The following USP34 variants were observed in gnomAD, a reference collection of about 807,000 sequenced individuals.
The protein encoded by USP34 is ubiquitin specific peptidase 34.
A neutral mutation model predicts 460.3 loss-of-function variants in USP34; 70 were observed. That is an observed-to-expected ratio of 0.15 (90% CI 0.13 to 0.19). USP34 has a LOEUF of 0.19. Ranked by LOEUF, USP34 falls within the 10% of genes least tolerant of loss-of-function variation. The pLI is 1.00. For synonymous variants in USP34, 1,647 were observed against 1,405.3 expected (o/e 1.17, Z -3.85); for missense variants, 3,985 against 4,236.2 (o/e 0.94, Z 1.65).
intron 78 of USP34, 76 bp downstream of exon 78, chr2:61,190,195 A>T: frequency 1.3e-6 from 2 of 1,507,460 alleles, no homozygotes; most frequent in Non-Finnish European, 1.8e-6. Flanking sequence ...TTACGAGAGT[A>T]AAATCATATG....
At chr2:61,386,533 G>C (rs1572990962) in intron 5 of USP34, among the ~76,000 whole-genome samples, 1 of 152,130 alleles carries the variant, frequency 6.6e-6, no homozygotes, top group Admixed American at 6.5e-5. Flanking sequence ...GCTCACACCT[G>C]TAATCCCAGC....
rs528434408 is a variant in USP34, at chr2:61,292,983, C to G, written c.4548+481G>C. Among the ~76,000 whole-genome samples, 12 of 152,098 alleles carry G rather than the reference C, an allele frequency of 7.9e-5. No individual in the cohort carries two copies. In the East Asian group the frequency reaches 2.3e-3, roughly 29 times the overall value. ...GTATTATAAAATACAGCAACAATGT[C>G]TAATTGCTATAAAAATTTCTAGAGG... On this transcript the variant is annotated intron_variant, in intron 33 of 79. Coordinates refer to ENST00000398571, the MANE Select transcript of USP34 (RefSeq NM_014709.4).
chr2:61,420,095 A>T (rs990760885), intron 2 of USP34, among the ~76,000 whole-genome samples: 2 of 152,210 alleles, frequency 1.3e-5, no homozygotes, highest in Non-Finnish European at 2.9e-5. Flanking sequence ...CACTGCATTT[A>T]ACATGTTCAT....
rs750449800 is a variant in USP34, at chr2:61,331,289, G to C, written c.2917C>G (p.Gln973Glu). 2.5e-6 allele frequency: 4 copies of C among 1,611,868 alleles called. No individual in the cohort carries two copies. The highest frequency in any genetic ancestry group is 2.5e-6 in the Non-Finnish European group (3 of 1,178,852). ...YYIQTVREGR[Q>E]KHALYSHSAE... ...AGAGGTACTTACAGTGCATGTTTTT[G>C]TCTTCCTTCTCTCACAGTTTGAATG... Residue 973 changes from glutamine to glutamate, a missense_variant, in exon 20 of 80, where the codon CAA becomes GAA. Gln to Glu is a conservative substitution (Grantham distance 29). Coordinates refer to ENST00000398571, the MANE Select transcript of USP34 (RefSeq NM_014709.4).
At chr2:61,242,880 C>T (rs953195029) in intron 51 of USP34, among the ~76,000 whole-genome samples, 1 of 152,096 alleles carries the variant, frequency 6.6e-6, no homozygotes, top group African/African-American at 2.4e-5. Context: ...CGGAGTTTTG[C>T]TCATCTCCCA....
chr2:61,464,615 G>A (rs1263726975), intron 1 of USP34, among the ~76,000 whole-genome samples: 2 of 151,490 alleles, frequency 1.3e-5, no homozygotes, highest in Non-Finnish European at 2.9e-5. Context: ...ACGTACACCA[G>A]GCGTGGTGGC....
intron 2 of USP34, chr2:61,417,367 A>C (rs1694226529): frequency 2.3e-5 from 13 of 574,610 alleles, no homozygotes; most frequent in Admixed American, 7.8e-5. Context: ...CAGTCAGCTT[A>C]ATTGGCTGCA....
chr2:61,453,689 C>T (rs1282144486), intron 1 of USP34, among the ~76,000 whole-genome samples: 2 of 119,502 alleles, frequency 1.7e-5, no homozygotes, highest in Non-Finnish European at 3.2e-5. Context: ...CACTCCAGCC[C>T]AAGCAACAGA....
chr2:61,439,047 CAAG>C (rs1354405859), intron 1 of USP34, among the ~76,000 whole-genome samples: 1 of 152,082 alleles, frequency 6.6e-6, no homozygotes, highest in Non-Finnish European at 1.5e-5. Context: ...GAAAAGAAAT[CAAG>C]AAGGCAATTT....
Position 61,470,920 on chromosome 2 carries a change from G to A in USP34, c.-228C>T, listed in dbSNP as rs1384670808. ...GGAGGGGAGCGAGGGGAGGTGCGCA[G>A]GCCGGAGGGGCGCCGAGGCGCCGGC... On this transcript the variant is annotated 5_prime_UTR_variant, in exon 1 of 80. Transcript: ENST00000398571. Among the ~76,000 whole-genome samples, 1 of 140,362 alleles carries A rather than the reference G, an allele frequency of 7.1e-6. No individual in the cohort carries two copies. Among genetic ancestry groups the A allele is most frequent in the Non-Finnish European group, 1.6e-5 (1 of 63,670 alleles). The allele number at this position is 140,362 out of a possible 152,430, so 92.1% of individuals were successfully genotyped here.
intron 49 of USP34, among the ~76,000 whole-genome samples, chr2:61,247,859 A>G (rs1688459014): frequency 6.6e-6 from 1 of 152,072 alleles, no homozygotes. Context: ...CAGTAGTGCA[A>G]TCTCAACTCA....
chr2:61,412,314 T>G (rs1694065521), intron 2 of USP34, among the ~76,000 whole-genome samples: 1 of 151,348 alleles, frequency 6.6e-6, no homozygotes, highest in South Asian at 2.1e-4. Flanking sequence ...GTAATTTATA[T>G]CCTGAGAGAT....
chr2:61,332,728 T>TCC (rs530697734), intron 19 of USP34, among the ~76,000 whole-genome samples: 5 of 151,990 alleles, frequency 3.3e-5, no homozygotes, highest in Non-Finnish European at 5.9e-5. Flanking sequence ...CCCTTACCCC[T>TCC]CCTTTTGGAA....
chr2:61,290,991 T>C (rs571580669), intron 33 of USP34, among the ~76,000 whole-genome samples: 2 of 152,136 alleles, frequency 1.3e-5, no homozygotes, highest in South Asian at 4.1e-4. Context: ...TTTTTGTAAA[T>C]CACAGGGTGC....
At chr2:61,371,926 C>G (rs1478762595) in intron 8 of USP34, among the ~76,000 whole-genome samples, 1 of 152,104 alleles carries the variant, frequency 6.6e-6, no homozygotes, top group Non-Finnish European at 1.5e-5. Context: ...AGATGCTGTA[C>G]AGGCTTGGAG....
chr2:61,420,874 A>T, intron 1 of USP34, 41 bp from the exon 2 acceptor site: 1 of 1,452,096 alleles, frequency 6.9e-7, no homozygotes, highest in Non-Finnish European at 9.5e-7. Flanking sequence ...AATAATGCTA[A>T]ACCAGTATTA....
At chr2:61,388,712 C>T (rs749497252) in intron 5 of USP34, among the ~76,000 whole-genome samples, 3 of 151,790 alleles carry the variant, frequency 2.0e-5, no homozygotes, top group African/African-American at 4.8e-5. Flanking sequence ...GCTGAGATCA[C>T]GCCACTGCAC....
At chr2:61,463,679 C>T (rs866510894) in intron 1 of USP34, among the ~76,000 whole-genome samples, 1 of 151,984 alleles carries the variant, frequency 6.6e-6, no homozygotes, top group Non-Finnish European at 1.5e-5. Context: ...ACTAAAATTA[C>T]AAAAATTAGC....
chr2:61,236,264 T>A (rs779080938), intron 54 of USP34, 28 bp from the exon 55 acceptor site: 1 of 1,599,528 alleles, frequency 6.3e-7, no homozygotes, highest in Non-Finnish European at 8.5e-7. Flanking sequence ...TCATTTAAAA[T>A]TCACACGTAA....
Sources: allele counts gnomAD v4.1 joint callset (sites outside exome capture counted in the v4.1 genomes callset), GRCh38; gene constraint gnomAD v4.1.1; transcripts MANE v1.5; gene names NCBI Gene and HGNC (gene_info 2026-07-23, HGNC 2026-07-21).